The following NRXN3 variants were observed in gnomAD, a reference collection of about 807,000 sequenced individuals.
The protein encoded by NRXN3 is neurexin 3.
NRXN3 carries 32 observed loss-of-function variants against 137.6 expected under a neutral mutation model. The ratio of observed to expected loss-of-function variants is 0.23; its 90% CI spans 0.18 to 0.31. The LOEUF is 0.31. Among genes scored for constraint, NRXN3 ranks in the 10% least tolerant of loss-of-function variants. The probability of loss-of-function intolerance (pLI) is 1.00; values close to 1 mark genes in which losing one functional copy is unlikely to be tolerated. For synonymous variants in NRXN3, 798 were observed against 784.5 expected, an observed-to-expected ratio of 1.02 and a Z score of -0.29; for missense variants, 1,574 against 2,062.5, an observed-to-expected ratio of 0.76 and a Z score of 4.59.
chr14:79,304,438 T>G (rs912725532), intron 15 of NRXN3, among the ~76,000 whole-genome samples: 1 of 152,026 alleles, frequency 6.6e-6, no homozygotes, highest in African/African-American at 2.4e-5. Flanking sequence ...AATGGAAGCA[T>G]GGTACAATTT....
intron 15 of NRXN3, among the ~76,000 whole-genome samples, chr14:79,011,510 CATT>C (rs1014633156): frequency 6.6e-6 from 1 of 151,160 alleles, no homozygotes; most frequent in Non-Finnish European, 1.5e-5. Flanking sequence ...TTTTCTCTAT[CATT>C]ATCCATGTTG....
intron 10 of NRXN3, among the ~76,000 whole-genome samples, chr14:78,873,289 C>A (rs2099105722): frequency 6.6e-6 from 1 of 152,084 alleles, no homozygotes; most frequent in African/African-American, 2.4e-5. Flanking sequence ...GTCTCTTTTG[C>A]TACTGCGAAC....
chr14:79,621,230 T>C (rs1399420497), intron 16 of NRXN3, among the ~76,000 whole-genome samples: 1 of 152,234 alleles, frequency 6.6e-6, no homozygotes, highest in Non-Finnish European at 1.5e-5. Context: ...CATCTGTTAT[T>C]ATAAATATAA....
At chr14:78,311,247 C>T (rs147368383) in intron 4 of NRXN3, among the ~76,000 whole-genome samples, 41 of 152,298 alleles carry the variant, frequency 2.7e-4, no homozygotes, top group African/African-American at 9.6e-4. Context: ...GTGCCTGTAA[C>T]ATTGCCTGCC....
intron 8 of NRXN3, among the ~76,000 whole-genome samples, chr14:78,802,336 G>A (rs1031525365): frequency 6.6e-5 from 10 of 152,050 alleles, no homozygotes; most frequent in African/African-American, 2.4e-4. Flanking sequence ...TGAACAATGA[G>A]AACACATGGA....
At chr14:78,342,158 G>A (rs2082215276) in intron 4 of NRXN3, among the ~76,000 whole-genome samples, 1 of 152,196 alleles carries the variant, frequency 6.6e-6, no homozygotes, top group Non-Finnish European at 1.5e-5. Flanking sequence ...GATAGAGAGA[G>A]GGAGAGAGAT....
At chr14:79,036,617 T>G (rs1211504789) in intron 15 of NRXN3, among the ~76,000 whole-genome samples, 6 of 70,688 alleles carry the variant, frequency 8.5e-5, no homozygotes, top group Non-Finnish European at 1.9e-4. Flanking sequence ...TTTTTTTTTT[T>G]TTTTTTTTTA....
At chr14:79,216,574 C>A (rs527695056) in intron 15 of NRXN3, among the ~76,000 whole-genome samples, 6 of 152,020 alleles carry the variant, frequency 3.9e-5, no homozygotes, top group Non-Finnish European at 5.9e-5. Flanking sequence ...AAATAGTGTA[C>A]CTTTATAATA....
rs1595743882 is a variant in NRXN3, at chr14:78,775,606, T to C, written c.2045-28014T>C. ...GAATTTTACAGGAATGAGGTGCCAT[T>C]GTGAGATAGGGTGGCCTGACATATT... On this transcript the variant is annotated intron_variant, in intron 8 of 20. Transcript: ENST00000335750. Among the ~76,000 whole-genome samples the C allele has an allele frequency of 2.0e-5, 3 of 152,216 alleles. No individual in the cohort carries two copies. The East Asian group carries it at 5.8e-4, about 29-fold the overall frequency.
chr14:78,552,471 G>A lies in NRXN3; in HGVS notation c.758-92649G>A, dbSNP rs559991954. 2.6e-5 allele frequency among the ~76,000 whole-genome samples: 4 copies of A among 152,282 alleles called. No homozygotes were observed. The East Asian group carries it at 5.8e-4, about 22-fold the overall frequency. On this transcript the variant is annotated intron_variant, in intron 4 of 20. Transcript: ENST00000335750. Reference sequence around the variant, plus strand: ...CAGCTGCCTCTAACTGTGGTCATGAGAAGTCTCAGACACTGGCATGAAGTC... The same window carrying A: ...CAGCTGCCTCTAACTGTGGTCATGAAAAGTCTCAGACACTGGCATGAAGTC...
chr14:79,266,216 A>G (rs2078444012), intron 15 of NRXN3, among the ~76,000 whole-genome samples: 4 of 152,306 alleles, frequency 2.6e-5, no homozygotes, highest in Non-Finnish European at 5.9e-5. Context: ...ATATGTCTCA[A>G]CCATGACATA....
intron 8 of NRXN3, among the ~76,000 whole-genome samples, chr14:78,739,130 C>T (rs1238784384): frequency 2.0e-5 from 3 of 152,230 alleles, no homozygotes; most frequent in African/African-American, 7.2e-5. Flanking sequence ...TCTGGATTAA[C>T]ACAGTAGATG....
chr14:78,347,942 G>A (rs747629877), intron 4 of NRXN3, among the ~76,000 whole-genome samples: 1 of 152,146 alleles, frequency 6.6e-6, no homozygotes. Flanking sequence ...TGGAGGGGGC[G>A]AGAGGGTACT....
chr14:78,849,963 A>G (rs1184034037), intron 10 of NRXN3, among the ~76,000 whole-genome samples: 1 of 152,198 alleles, frequency 6.6e-6, no homozygotes, highest in Non-Finnish European at 1.5e-5. Flanking sequence ...CCTGTGCCAG[A>G]GCACTGTATT....
At chr14:78,803,936 C>A in intron 9 of NRXN3, 113 bp downstream of exon 9, 1 of 1,011,470 alleles carries the variant, frequency 9.9e-7, no homozygotes. Flanking sequence ...TAGCTGCTCA[C>A]CTCTTGTTTA....
intron 15 of NRXN3, among the ~76,000 whole-genome samples, chr14:79,455,714 G>T (rs1314794963): frequency 6.6e-6 from 1 of 151,658 alleles, no homozygotes; most frequent in Non-Finnish European, 1.5e-5. Flanking sequence ...TATTGTGATG[G>T]TTATATAATT....
intron 3 of NRXN3, chr14:78,282,037 A>G: frequency 6.9e-6 from 3 of 435,486 alleles, no homozygotes; most frequent in East Asian, 1.4e-4. Flanking sequence ...GTTCCAAGAC[A>G]TGGTGGAGCT....
At chr14:79,258,226 C>A (rs2077059601) in intron 15 of NRXN3, among the ~76,000 whole-genome samples, 2 of 152,124 alleles carry the variant, frequency 1.3e-5, no homozygotes, top group Non-Finnish European at 2.9e-5. Context: ...GAGACAGAGT[C>A]TTGCTCTGTC....
chr14:78,794,255 G>T (rs984076829), intron 8 of NRXN3, among the ~76,000 whole-genome samples: 2 of 152,126 alleles, frequency 1.3e-5, no homozygotes, highest in Non-Finnish European at 2.9e-5. Context: ...GGTGGCATGT[G>T]CCTGTAGTTC....
Sources: allele counts gnomAD v4.1 joint callset (sites outside exome capture counted in the v4.1 genomes callset), GRCh38; gene constraint gnomAD v4.1.1; transcripts MANE v1.5; gene names NCBI Gene and HGNC (gene_info 2026-07-23, HGNC 2026-07-21).